SUCLG2: variants seen among roughly 807,000 people sequenced by gnomAD.
SUCLG2 encodes succinate--CoA ligase [GDP-forming] subunit beta, mitochondrial.
In SUCLG2, 42 loss-of-function variants were observed where a neutral mutation model predicts 47.9. The ratio of observed to expected loss-of-function variants is 0.88; its 90% CI spans 0.69 to 1.14. SUCLG2 has a LOEUF of 1.14. SUCLG2 is among the 50% of genes most tolerant of loss of function. The pLI, the probability that SUCLG2 is intolerant of heterozygous loss-of-function variation, is 0.00. For missense variants in SUCLG2, 571 were observed against 525.9 expected (o/e 1.09, Z -0.84); for synonymous variants, 195 against 197.3 (o/e 0.99, Z 0.10).
intron 2 of SUCLG2, among the ~76,000 whole-genome samples, chr3:67,573,147 A>G (rs1162299140): frequency 6.6e-6 from 1 of 152,332 alleles, no homozygotes; most frequent in South Asian, 2.1e-4. Context: ...ACCACAAAAT[A>G]TTGCTGAAAT....
intron 1 of SUCLG2, among the ~76,000 whole-genome samples, chr3:67,643,900 C>T (rs1425420769): frequency 6.6e-6 from 1 of 152,204 alleles, no homozygotes; most frequent in Non-Finnish European, 1.5e-5. Context: ...TTGTCTTCAA[C>T]TCCTGACCTC....
At chr3:67,374,398 T>C (rs1162231856), downstream of SUCLG2, among the ~76,000 whole-genome samples, 3 of 152,218 alleles carry the variant, frequency 2.0e-5, no homozygotes, top group Non-Finnish European at 4.4e-5. Context: ...AAATTAATGG[T>C]GGCAATTGAG....
At chr3:67,536,120 G>C (rs962763238) in intron 2 of SUCLG2, among the ~76,000 whole-genome samples, 1 of 152,090 alleles carries the variant, frequency 6.6e-6, no homozygotes, top group Admixed American at 6.6e-5. Context: ...AGGAAGGGAA[G>C]AACAAAAGGT....
intron 1 of SUCLG2, among the ~76,000 whole-genome samples, chr3:67,652,304 T>C (rs1480773148): frequency 6.6e-6 from 1 of 152,192 alleles, no homozygotes; most frequent in Non-Finnish European, 1.5e-5. Flanking sequence ...AAGCAGAAAC[T>C]GGGTCTTTTA....
intron 1 of SUCLG2, among the ~76,000 whole-genome samples, chr3:67,647,028 C>G (rs1701203978): frequency 6.6e-6 from 1 of 152,184 alleles, no homozygotes; most frequent in African/African-American, 2.4e-5. Flanking sequence ...CCTCATTTCT[C>G]ACCGTAAACT....
chr3:67,435,983 C>T (rs745464017), intron 9 of SUCLG2, among the ~76,000 whole-genome samples: 7 of 151,948 alleles, frequency 4.6e-5, no homozygotes, highest in South Asian at 2.1e-4. Context: ...ATTTGCTATC[C>T]GAAGAGATGC....
intron 1 of SUCLG2, among the ~76,000 whole-genome samples, chr3:67,626,963 GGACAGTATAT>G (rs1700842833): frequency 6.7e-6 from 1 of 148,844 alleles, no homozygotes; most frequent in Non-Finnish European, 1.5e-5. Context: ...AGACGTGAGA[GGACAGTATAT>G]GTATCAAAAA....
At chr3:67,479,370 G>A (rs530375938) in intron 9 of SUCLG2, among the ~76,000 whole-genome samples, 9 of 151,398 alleles carry the variant, frequency 5.9e-5, no homozygotes, top group South Asian at 2.1e-4. Flanking sequence ...CATACATACC[G>A]AGGAAAAACT....
chr3:67,413,372 T>C (rs575644841), intron 9 of SUCLG2, among the ~76,000 whole-genome samples: 1 of 152,302 alleles, frequency 6.6e-6, no homozygotes, highest in East Asian at 1.9e-4. Context: ...TAAGACTGAA[T>C]CCCCATGTGG....
chr3:67,610,343 A>C (rs569786474), intron 1 of SUCLG2, among the ~76,000 whole-genome samples: 1 of 152,332 alleles, frequency 6.6e-6, no homozygotes, highest in South Asian at 2.1e-4. Flanking sequence ...AAATTTGCTT[A>C]AGTTTCAAGT....
chr3:67,417,843 G>C (rs932554239), intron 9 of SUCLG2, among the ~76,000 whole-genome samples: 28 of 152,150 alleles, frequency 1.8e-4, no homozygotes, highest in African/African-American at 6.5e-4. Flanking sequence ...AAAGACAAAA[G>C]TTTCCTCCTT....
chr3:67,592,743 A>AAAAAAAAAAAAAAAAC (rs1559587055), intron 2 of SUCLG2, among the ~76,000 whole-genome samples: 11 of 148,484 alleles, frequency 7.4e-5, no homozygotes, highest in African/African-American at 2.8e-4. Flanking sequence ...AAAACAACAA[A>AAAAAAAAAAAAAAAAC]AAAAAACTGA....
chr3:67,361,556 AC>A (rs1314755582), intron 10 of SUCLG2, among the ~76,000 whole-genome samples: 2 of 152,096 alleles, frequency 1.3e-5, no homozygotes, highest in Admixed American at 1.3e-4. Flanking sequence ...ACAGATTTCT[AC>A]CCTCGACTTG....
chr3:67,553,484 G>A (rs74600148), intron 2 of SUCLG2, among the ~76,000 whole-genome samples: 3,617 of 152,120 alleles, frequency 0.024, 139 homozygotes, highest in African/African-American at 0.08. Flanking sequence ...CTTTCAAGGG[G>A]GCTTTTGGAC....
intron 1 of SUCLG2, among the ~76,000 whole-genome samples, chr3:67,625,569 C>T (rs1444564400): frequency 1.3e-5 from 2 of 152,108 alleles, no homozygotes; most frequent in East Asian, 3.9e-4. Flanking sequence ...AGGACCTTTG[C>T]CTCTAAAGGA....
intron 9 of SUCLG2, among the ~76,000 whole-genome samples, chr3:67,477,917 C>A (rs1704809350): frequency 6.6e-6 from 1 of 152,206 alleles, no homozygotes; most frequent in Non-Finnish European, 1.5e-5. Context: ...CTAGCACTTA[C>A]ACAGACACTG....
chr3:67,378,868 T>C (rs1469325468), intron 10 of SUCLG2, among the ~76,000 whole-genome samples: 1 of 152,094 alleles, frequency 6.6e-6, no homozygotes, highest in Non-Finnish European at 1.5e-5. Flanking sequence ...TTTCATGGAG[T>C]AATGACAGAG....
At chr3:67,396,631 T>C (rs59342301) in intron 10 of SUCLG2, among the ~76,000 whole-genome samples, 46,870 of 151,442 alleles carry the variant, frequency 0.31, 7,798 homozygotes, top group African/African-American at 0.42. Flanking sequence ...GAAACTACTC[T>C]AATCAATAGA....
chr3:67,457,772 A>C (rs1428400103), intron 9 of SUCLG2, among the ~76,000 whole-genome samples: 9 of 148,834 alleles, frequency 6.0e-5, no homozygotes, highest in African/African-American at 2.3e-4. Flanking sequence ...AGAGAGCAAT[A>C]ACATTTATGG....
Sources: gnomAD v4.1 joint callset for allele counts (sites outside exome capture counted in the v4.1 genomes callset) on GRCh38, gnomAD v4.1.1 for gene constraint, MANE v1.5 for transcripts, NCBI Gene and HGNC (gene_info 2026-07-23, HGNC 2026-07-21) for gene names.